Variants in BTD observed in about 807,000 individuals in gnomAD.
BTD encodes biotinidase, also known as biocytinase.
In BTD, 13 loss-of-function variants were observed where a neutral mutation model predicts 17.7. That is an observed-to-expected ratio of 0.74 (90% CI 0.48 to 1.17). The LOEUF is 1.17. Among genes scored for constraint, BTD ranks in the 50% most tolerant of loss-of-function variants. The pLI is 0.00. For missense variants in BTD, 674 were observed against 650.4 expected (o/e 1.04, Z -0.39); for synonymous variants, 240 against 245.2 (o/e 0.98, Z 0.20).
intron 3 of BTD, among the ~76,000 whole-genome samples, chr3:15,704,165 G>A (rs893388864): frequency 4.6e-5 from 7 of 152,072 alleles, no homozygotes; most frequent in Admixed American, 6.6e-5. Context: ...CATTGCGATA[G>A]CAGCCATATA....
At chr3:15,665,264 T>G (rs1224066585) in intron 3 of BTD, among the ~76,000 whole-genome samples, 4 of 152,164 alleles carry the variant, frequency 2.6e-5, no homozygotes, top group Non-Finnish European at 5.9e-5. Context: ...GCATTTTTTG[T>G]CTTAAAAGTA....
intron 3 of BTD, among the ~76,000 whole-genome samples, chr3:15,672,342 T>C (rs1210286959): frequency 6.6e-6 from 1 of 151,788 alleles, no homozygotes; most frequent in Non-Finnish European, 1.5e-5. Flanking sequence ...GGGTCTCGCT[T>C]TGTTCCCCAG....
intron 1 of BTD, among the ~76,000 whole-genome samples, chr3:15,608,273 T>C (rs776091686): frequency 3.3e-5 from 5 of 152,234 alleles, no homozygotes; most frequent in Non-Finnish European, 5.9e-5. Context: ...TGTTGTTCCC[T>C]TGTTTTAGCT....
intron 3 of BTD, among the ~76,000 whole-genome samples, chr3:15,693,752 CA>C (rs2069138963): frequency 6.6e-6 from 1 of 151,984 alleles, no homozygotes; most frequent in Admixed American, 6.6e-5. Flanking sequence ...TCCAAGGACT[CA>C]AAGGGCAAAG....
intron 1 of BTD, among the ~76,000 whole-genome samples, chr3:15,634,915 TG>T (rs2065302587): frequency 1.3e-5 from 2 of 152,160 alleles, no homozygotes; most frequent in African/African-American, 2.4e-5. Context: ...ACCAAAGAAA[TG>T]CAGGGAGAAT....
At chr3:15,686,740 C>T (rs149078004) in intron 3 of BTD, among the ~76,000 whole-genome samples, 120 of 152,132 alleles carry the variant, frequency 7.9e-4, no homozygotes, top group African/African-American at 2.8e-3. Context: ...ACTGAGATGC[C>T]GATAAGTCTA....
chr3:15,712,613 C>T (rs996462789), exon 4 of BTD, among the ~76,000 whole-genome samples: 1 of 152,210 alleles, frequency 6.6e-6, no homozygotes, highest in Non-Finnish European at 1.5e-5. Flanking sequence ...GCAAAATTCA[C>T]TACCCTGTCA....
chr3:15,642,961 G>A (rs2065566162), intron 3 of BTD, among the ~76,000 whole-genome samples: 1 of 150,614 alleles, frequency 6.6e-6, no homozygotes, highest in Non-Finnish European at 1.5e-5. Context: ...CTGGGAGGCA[G>A]GAGTTGCGGT....
In BTD at chr3:15,651,673, C is replaced by G. The variant is rs528737397; in HGVS notation, c.*6185C>G. ...GCGGCCTCCCACTGGCTGGACCCAACAGGAAAGCAGAGGATAAGAGAATCT... is the reference window on the plus strand; with the variant it reads ...GCGGCCTCCCACTGGCTGGACCCAAGAGGAAAGCAGAGGATAAGAGAATCT... On this transcript the variant is annotated 3_prime_UTR_variant, in exon 4 of 4. Transcript: ENST00000643237. Among the ~76,000 whole-genome samples the G allele has an allele frequency of 6.6e-6, 1 of 152,332 alleles. No individual in the cohort carries two copies. Among genetic ancestry groups the G allele is most frequent in the East Asian group, 1.9e-4 (1 of 5,188 alleles).
chr3:15,685,370 C>A, intron 3 of BTD: 1 of 1,613,992 alleles, frequency 6.2e-7, no homozygotes, highest in Non-Finnish European at 8.5e-7. Flanking sequence ...GGCGTCCGGC[C>A]CCTGCTATCC....
intron 3 of BTD, among the ~76,000 whole-genome samples, chr3:15,660,362 G>A (rs1352845254): frequency 6.6e-6 from 1 of 152,226 alleles, no homozygotes; most frequent in African/African-American, 2.4e-5. Flanking sequence ...TGCTACCCAT[G>A]AAGGGAATTA....
At chr3:15,674,323 T>C (rs1289265462) in intron 3 of BTD, among the ~76,000 whole-genome samples, 1 of 152,002 alleles carries the variant, frequency 6.6e-6, no homozygotes, top group African/African-American at 2.4e-5. Context: ...GAGTCAATAG[T>C]ATATGCTGAT....
intron 3 of BTD, among the ~76,000 whole-genome samples, chr3:15,709,190 T>C (rs575917754): frequency 1.3e-5 from 2 of 152,326 alleles, no homozygotes; most frequent in South Asian, 2.1e-4. Context: ...GAGAGATTTA[T>C]ATAGAAGAGG....
At chr3:15,708,663 G>A (rs2126034620) in intron 3 of BTD, among the ~76,000 whole-genome samples, 1 of 152,164 alleles carries the variant, frequency 6.6e-6, no homozygotes, top group Admixed American at 6.5e-5. Context: ...TAAAAATATT[G>A]CATTCCAAAG....
chr3:15,603,113 C>G (rs1259648241), intron 1 of BTD, among the ~76,000 whole-genome samples: 1 of 152,228 alleles, frequency 6.6e-6, no homozygotes, highest in African/African-American at 2.4e-5. Context: ...TTACTTCCCA[C>G]TGGGTCCCTC....
chr3:15,659,612 CAG>C (rs2065902667), intron 3 of BTD, among the ~76,000 whole-genome samples: 2 of 152,200 alleles, frequency 1.3e-5, no homozygotes, highest in South Asian at 2.1e-4. Context: ...CCCAGACTAA[CAG>C]AGTTAATATT....
chr3:15,631,535 T>C (rs1425923269), intron 1 of BTD: 23 of 1,453,124 alleles, frequency 1.6e-5, no homozygotes, highest in Non-Finnish European at 1.9e-5. Context: ...ATCTAGTGAT[T>C]GACATATTAC....
chr3:15,672,812 G>A (rs1175647671), intron 3 of BTD, among the ~76,000 whole-genome samples: 1 of 152,194 alleles, frequency 6.6e-6, no homozygotes, highest in Non-Finnish European at 1.5e-5. Context: ...GTCTGGCTCT[G>A]TCACCCAGGC....
At chr3:15,676,869 A>C (rs919438814) in intron 3 of BTD, 1 of 847,658 alleles carries the variant, frequency 1.2e-6, no homozygotes, top group Non-Finnish European at 1.8e-6. Context: ...AATTGCTTCT[A>C]TGACTAATGA....
Sources: allele counts gnomAD v4.1 joint callset (sites outside exome capture counted in the v4.1 genomes callset), GRCh38; gene constraint gnomAD v4.1.1; transcripts MANE v1.5; gene names NCBI Gene and HGNC (gene_info 2026-07-23, HGNC 2026-07-21).